CSGALNACT2: variants seen among roughly 807,000 people sequenced by gnomAD.
The protein encoded by CSGALNACT2 is chondroitin sulfate N-acetylgalactosaminyltransferase 2.
In CSGALNACT2, 35 loss-of-function variants were observed where a neutral mutation model predicts 55.3. The observed-to-expected ratio is 0.63, with a 90% CI of 0.48 to 0.84. CSGALNACT2 has a LOEUF of 0.84. CSGALNACT2 is among the 40% of genes least tolerant of loss of function. The pLI is 0.00. For synonymous variants in CSGALNACT2, 196 were observed against 224.9 expected (o/e 0.87, Z 1.15); for missense variants, 544 against 657.5 (o/e 0.83, Z 1.89).
In CSGALNACT2 at chr10:43,155,073, T is replaced by C; in HGVS notation, c.-77T>C. On this transcript the variant is annotated 5_prime_UTR_variant, in exon 2 of 8. Coordinates refer to ENST00000374466, the MANE Select transcript of CSGALNACT2 (RefSeq NM_018590.5). ...TTTATGGAAATTCTGATTTTGTTTT[T>C]AATTTTTGATAACTTTTTACTAAAG... 8.2e-7 allele frequency: 1 copy of C among 1,221,610 alleles called. No individual in the cohort carries two copies. Among genetic ancestry groups the C allele is most frequent in the Non-Finnish European group, 1.2e-6 (1 of 867,122 alleles). The allele number at this position is 1,221,610 out of a possible 1,614,324, so 75.7% of individuals were successfully genotyped here.
At chr10:43,163,296 T>A in intron 4 of CSGALNACT2, 1 of 855,142 alleles carries the variant, frequency 1.2e-6, no homozygotes, top group Non-Finnish European at 1.4e-6. Context: ...CAGGGGACAC[T>A]GCATCCATAG....
intron 6 of CSGALNACT2, among the ~76,000 whole-genome samples, chr10:43,171,960 A>G (rs893312443): frequency 6.6e-6 from 1 of 152,230 alleles, no homozygotes; most frequent in East Asian, 1.9e-4. Context: ...GAACAGCAGT[A>G]TAATGCTTTG....
intron 7 of CSGALNACT2, among the ~76,000 whole-genome samples, chr10:43,182,897 A>G (rs535728612): frequency 1.4e-5 from 2 of 144,106 alleles, no homozygotes; most frequent in African/African-American, 2.6e-5. Context: ...AAAAAAAAAA[A>G]GAAAACATAA....
chr10:43,158,572 G>T (rs1839069689), intron 2 of CSGALNACT2, 143 bp from the exon 3 acceptor site: 4 of 591,258 alleles, frequency 6.8e-6, no homozygotes, highest in Non-Finnish European at 1.2e-5. Context: ...ACTGTGCAGT[G>T]GGGATAAGTA....
intron 7 of CSGALNACT2, among the ~76,000 whole-genome samples, chr10:43,178,618 CAAA>C (rs201493922): frequency 7.7e-5 from 5 of 64,720 alleles, no homozygotes; most frequent in Admixed American, 1.7e-4. Context: ...GAGACTCCAT[CAAA>C]AAAAAAAAAA....
rs774486283 is a variant in CSGALNACT2 at position 43,183,507 on chromosome 10, C to T, written c.1594C>T (p.Gln532Ter). The change falls in exon 8 of 8, where the codon CAG becomes TAG. Residue 532 changes from glutamine (Q) to a stop codon, truncating the protein, a stop_gained. Transcript: ENST00000374466. LOFTEE classifies it high-confidence loss of function. ...GGAAATAGAGACGCATCTTCATAAACAGGCATACAGGACAAACAGTGAAGC... is the reference window on the plus strand; with the variant it reads ...GGAAATAGAGACGCATCTTCATAAATAGGCATACAGGACAAACAGTGAAGC... ...REEIETHLHK[Q>*]AYRTNSEAVG 5 of 1,614,130 alleles carry T rather than the reference C, an allele frequency of 3.1e-6. No individual in the cohort carries two copies. In the South Asian group the frequency reaches 5.5e-5, roughly 18 times the overall value.
At chr10:43,168,055 C>T (rs1471642150) in intron 6 of CSGALNACT2, among the ~76,000 whole-genome samples, 2 of 151,910 alleles carry the variant, frequency 1.3e-5, no homozygotes, top group Non-Finnish European at 2.9e-5. Context: ...TGAGATAAAT[C>T]AATTTTATAG....
intron 4 of CSGALNACT2, among the ~76,000 whole-genome samples, chr10:43,161,896 C>T (rs1431763278): frequency 6.6e-6 from 1 of 152,156 alleles, no homozygotes; most frequent in Non-Finnish European, 1.5e-5. Context: ...CCTGTCCCTC[C>T]TTAGTGTTTT....
chr10:43,171,247 A>T (rs1033799765), intron 6 of CSGALNACT2, among the ~76,000 whole-genome samples: 4 of 152,250 alleles, frequency 2.6e-5, no homozygotes, highest in Non-Finnish European at 5.9e-5. Context: ...TTGTAAATCT[A>T]AAATTATTCC....
intron 2 of CSGALNACT2, among the ~76,000 whole-genome samples, chr10:43,158,072 A>C (rs558160474): frequency 6.6e-6 from 1 of 151,254 alleles, no homozygotes; most frequent in Non-Finnish European, 1.5e-5. Context: ...GTAGATGCGC[A>C]TGCTTTTCTC....
rs372639057 is a variant in CSGALNACT2 at position 43,147,782 on chromosome 10, CTTTTTTT to C, written c.-253-7102_-253-7096del. Among the ~76,000 whole-genome samples the C allele has an allele frequency of 1.4e-4, 15 of 108,104 alleles. No individual in the cohort carries two copies. In the Middle Eastern group the frequency reaches 0.019, roughly 137 times the overall value. 70.9% of individuals were successfully genotyped at this position (108,104 alleles called of 152,430 possible). A position where few individuals can be genotyped will look rare whatever the true frequency, so the allele number is the denominator to read the frequency against. The stretch of plus-strand genomic sequence containing the variant: ...TCAGATCTTTTGCTTGTCGAGTTAT[CTTTTTTT>C]TTTTTTTTTTTTGCTTTTTAAAGTA... On this transcript the variant is annotated intron_variant, in intron 1 of 7. Coordinates refer to ENST00000374466, the MANE Select transcript of CSGALNACT2 (RefSeq NM_018590.5).
In CSGALNACT2 at chr10:43,160,172, T is replaced by G. The variant is rs147776088; in HGVS notation, c.879-322T>G. 2.2e-3 allele frequency among the ~76,000 whole-genome samples: 332 copies of G among 152,362 alleles called. 1 individual carries two copies. Among genetic ancestry groups the G allele is most frequent in the African/African-American group, 7.5e-3 (310 of 41,584 alleles). On this transcript the variant is annotated intron_variant, in intron 3 of 7. Transcript: ENST00000374466. ...TAACTCTTAATCCAAAAGGTCAGTA[T>G]TTATTTATGTGGTTCTGAACCAGTT...
At chr10:43,163,414 A>G (rs938406684) in intron 4 of CSGALNACT2, 2 of 668,306 alleles carry the variant, frequency 3.0e-6, no homozygotes, top group African/African-American at 2.0e-5. Context: ...GAGATGAAGG[A>G]GTGGGAGGTG....
chr10:43,139,524 A>C (rs961747706), intron 1 of CSGALNACT2, among the ~76,000 whole-genome samples: 1 of 152,274 alleles, frequency 6.6e-6, no homozygotes, highest in African/African-American at 2.4e-5. Flanking sequence ...ATATGAAATC[A>C]ATAAGAGCAC....
intron 3 of CSGALNACT2, among the ~76,000 whole-genome samples, chr10:43,160,116 A>G (rs987405027): frequency 3.9e-5 from 6 of 152,272 alleles, no homozygotes; most frequent in African/African-American, 9.6e-5. Context: ...GATAGTTACA[A>G]TTTTTGGAAT....
At chr10:43,167,917 C>T in intron 6 of CSGALNACT2, among the ~76,000 whole-genome samples, 1 of 151,624 alleles carries the variant, frequency 6.6e-6, no homozygotes, top group Non-Finnish European at 1.5e-5. Context: ...GTAATAAAGG[C>T]AGAAGTTAAT....
chr10:43,163,051 G>A (rs944221978), intron 4 of CSGALNACT2: 2 of 985,074 alleles, frequency 2.0e-6, no homozygotes, highest in African/African-American at 3.5e-5. Context: ...CTACCAATCT[G>A]ATTTGTCTGA....
chr10:43,162,879 G>C (rs186339676), intron 4 of CSGALNACT2: 61 of 985,294 alleles, frequency 6.2e-5, no homozygotes, highest in Admixed American at 1.2e-4. Context: ...GAGAACCACT[G>C]CCCTAGCAGA....
chr10:43,175,692 G>C (rs1002888699), intron 6 of CSGALNACT2, among the ~76,000 whole-genome samples: 1 of 152,190 alleles, frequency 6.6e-6, no homozygotes, highest in Non-Finnish European at 1.5e-5. Context: ...TTATGCAACT[G>C]TTGTCCTAGA....
Sources: allele counts gnomAD v4.1 joint callset (sites outside exome capture counted in the v4.1 genomes callset), GRCh38; gene constraint gnomAD v4.1.1; transcripts MANE v1.5; gene names NCBI Gene and HGNC (gene_info 2026-07-23, HGNC 2026-07-21).